Variants in PTPRD observed in about 807,000 individuals in gnomAD.
PTPRD encodes receptor-type tyrosine-protein phosphatase delta.
A neutral mutation model predicts 214.5 loss-of-function variants in PTPRD; 34 were observed. That is an observed-to-expected ratio of 0.16 (90% CI 0.12 to 0.21). The LOEUF (loss-of-function observed/expected upper bound fraction) is 0.21, where lower values mean the gene tolerates loss of function less well. Among genes scored for constraint, PTPRD ranks in the 10% least tolerant of loss-of-function variants. The pLI, the probability that PTPRD is intolerant of heterozygous loss-of-function variation, is 1.00. For missense variants in PTPRD, 2,545 were observed against 2,398.7 expected (o/e 1.06, Z -1.27); for synonymous variants, 1,128 against 845.7 (o/e 1.33, Z -5.79).
rs1471037822 is a variant in PTPRD, at chr9:9,323,286, T to C, written c.-203+74163A>G. Among the ~76,000 whole-genome samples the C allele has an allele frequency of 2.0e-5, 3 of 152,208 alleles. No homozygotes were observed. The South Asian group carries it at 6.2e-4, about 31-fold the overall frequency. On this transcript the variant is annotated intron_variant, in intron 9 of 45. Transcript: ENST00000381196. ...GACTTCATATGATTTGTTAAATCGA[T>C]AATAATGCTTACAAAGTTCACTGAG...
chr9:10,194,395 G>C (rs1037160808), intron 3 of PTPRD, among the ~76,000 whole-genome samples: 11 of 124,476 alleles, frequency 8.8e-5, no homozygotes, highest in African/African-American at 3.2e-4. Context: ...GAGAGAGAGA[G>C]AGAGCTATTC....
At chr9:9,952,572 T>A (rs1403345832) in intron 4 of PTPRD, among the ~76,000 whole-genome samples, 1 of 152,086 alleles carries the variant, frequency 6.6e-6, no homozygotes, top group Non-Finnish European at 1.5e-5. Flanking sequence ...GAATCCAGAG[T>A]ACAATGATTG....
At chr9:10,309,456 G>A (rs369321708) in intron 3 of PTPRD, among the ~76,000 whole-genome samples, 5 of 150,898 alleles carry the variant, frequency 3.3e-5, no homozygotes, top group South Asian at 2.1e-4. Context: ...GGGTTCAATC[G>A]ATTCTCCTGC....
chr9:10,043,599 T>G (rs1393113891), intron 3 of PTPRD, among the ~76,000 whole-genome samples: 2 of 151,872 alleles, frequency 1.3e-5, no homozygotes, highest in Admixed American at 1.3e-4. Context: ...TTTTCTAAGA[T>G]GTTTTATAGT....
chr9:9,438,192 TATTATGAGGTATTAAAAGTTAGG>T (rs1405613938), intron 8 of PTPRD, among the ~76,000 whole-genome samples: 1 of 152,146 alleles, frequency 6.6e-6, no homozygotes, highest in Non-Finnish European at 1.5e-5. Context: ...TTTAGCATCA[TATTATGAGGTATTAAAAGTTAGG>T]ATTACAACAG....
intron 10 of PTPRD, among the ~76,000 whole-genome samples, chr9:9,126,160 A>G (rs745334480): frequency 1.3e-5 from 2 of 152,212 alleles, no homozygotes; most frequent in Non-Finnish European, 2.9e-5. Flanking sequence ...TCTTTGTAGG[A>G]TTTTAAGCAG....
At chr9:8,493,036 G>A (rs182056579) in intron 26 of PTPRD, 57 bp from the exon 27 acceptor site, 76 of 1,408,854 alleles carry the variant, frequency 5.4e-5, no homozygotes, top group Middle Eastern at 2.0e-4. Flanking sequence ...TGCTCTGGGG[G>A]AAAAACAAGG....
chr9:9,853,222 G>GT (rs1248531629), intron 5 of PTPRD, among the ~76,000 whole-genome samples: 1 of 152,186 alleles, frequency 6.6e-6, no homozygotes, highest in Non-Finnish European at 1.5e-5. Flanking sequence ...CAACTCTATG[G>GT]TTATAAGCAG....
intron 9 of PTPRD, among the ~76,000 whole-genome samples, chr9:9,312,554 A>T (rs1298527961): frequency 6.6e-6 from 1 of 152,140 alleles, no homozygotes; most frequent in Non-Finnish European, 1.5e-5. Context: ...TTCCGCCTAC[A>T]TCCCAAAGAT....
intron 12 of PTPRD, among the ~76,000 whole-genome samples, chr9:8,647,073 G>A (rs1403350330): frequency 6.6e-6 from 1 of 152,188 alleles, no homozygotes; most frequent in East Asian, 1.9e-4. Flanking sequence ...AGATCCATGC[G>A]AAGCCCTAAG....
At chr9:9,941,795 C>G (rs1488229496) in intron 4 of PTPRD, among the ~76,000 whole-genome samples, 1 of 152,148 alleles carries the variant, frequency 6.6e-6, no homozygotes, top group Non-Finnish European at 1.5e-5. Flanking sequence ...TAACTTTTCT[C>G]TGGGAAGCCT....
intron 14 of PTPRD, among the ~76,000 whole-genome samples, chr9:8,624,532 C>G (rs911267031): frequency 2.6e-5 from 4 of 151,802 alleles, no homozygotes; most frequent in African/African-American, 9.7e-5. Flanking sequence ...GCCAAACCAG[C>G]TAGCTCAGCT....
intron 37 of PTPRD, among the ~76,000 whole-genome samples, chr9:8,378,757 T>A (rs369913268): frequency 2.6e-5 from 4 of 152,152 alleles, no homozygotes; most frequent in South Asian, 4.1e-4. Context: ...AAATTCAATA[T>A]AATTATATTT....
At chr9:9,640,589 C>T (rs2095907188) in intron 7 of PTPRD, among the ~76,000 whole-genome samples, 1 of 152,118 alleles carries the variant, frequency 6.6e-6, no homozygotes, top group Non-Finnish European at 1.5e-5. Flanking sequence ...TATATGTTCA[C>T]ATAGAAGGTA....
intron 9 of PTPRD, among the ~76,000 whole-genome samples, chr9:9,275,081 TA>T (rs1944581934): frequency 2.9e-5 from 2 of 69,950 alleles, no homozygotes; most frequent in African/African-American, 1.1e-4. Flanking sequence ...TATATATATA[TA>T]ATATATATGT....
intron 3 of PTPRD, among the ~76,000 whole-genome samples, chr9:10,162,008 A>G (rs1391239257): frequency 6.6e-6 from 1 of 151,662 alleles, no homozygotes; most frequent in Non-Finnish European, 1.5e-5. Context: ...GTTTTACCCT[A>G]GTTAAAATGG....
intron 39 of PTPRD, among the ~76,000 whole-genome samples, chr9:8,343,562 T>G (rs1854567498): frequency 6.6e-6 from 1 of 152,066 alleles, no homozygotes; most frequent in South Asian, 2.1e-4. Context: ...ACCTGTTAGA[T>G]GGCGAGTTTT....
chr9:9,013,389 A>C (rs2099519974), intron 11 of PTPRD, among the ~76,000 whole-genome samples: 1 of 152,148 alleles, frequency 6.6e-6, no homozygotes. Context: ...ATAGCAAAGA[A>C]GCGATCAGTC....
At chr9:9,490,713 G>C (rs1020178884) in intron 8 of PTPRD, among the ~76,000 whole-genome samples, 2 of 143,234 alleles carry the variant, frequency 1.4e-5, no homozygotes, top group African/African-American at 4.9e-5. Flanking sequence ...AAAGAAAGCA[G>C]CTATAAAATA....
Sources: gnomAD v4.1 joint callset for allele counts (sites outside exome capture counted in the v4.1 genomes callset) on GRCh38, gnomAD v4.1.1 for gene constraint, MANE v1.5 for transcripts, NCBI Gene and HGNC (gene_info 2026-07-23, HGNC 2026-07-21) for gene names.